The following GLI2 variants were observed in gnomAD, a reference collection of about 807,000 sequenced individuals.
GLI2 encodes transcription activator GLI2.
In GLI2, 22 loss-of-function variants were observed where a neutral mutation model predicts 78.9. The ratio of observed to expected loss-of-function variants is 0.28; its 90% CI spans 0.20 to 0.40. The LOEUF (loss-of-function observed/expected upper bound fraction) is 0.40. GLI2 is among the 10% of genes least tolerant of loss of function. The pLI is 1.00. For missense variants in GLI2, 2,097 were observed against 2,213.2 expected (o/e 0.95, Z 1.05); for synonymous variants, 974 against 963.7 (o/e 1.01, Z -0.20).
intron 1 of GLI2, among the ~76,000 whole-genome samples, chr2:120,768,997 C>T (rs1484415129): frequency 6.6e-6 from 1 of 152,216 alleles, no homozygotes; most frequent in Non-Finnish European, 1.5e-5. Flanking sequence ...CTTTGACAGC[C>T]TTCCCCAGGC....
intron 2 of GLI2, among the ~76,000 whole-genome samples, chr2:120,880,444 T>A (rs1276718456): frequency 6.6e-6 from 1 of 152,128 alleles, no homozygotes; most frequent in African/African-American, 2.4e-5. Flanking sequence ...GAAGTCCCCA[T>A]CACCCCGCCA....
intron 2 of GLI2, among the ~76,000 whole-genome samples, chr2:120,814,406 G>A (rs982671536): frequency 5.3e-5 from 8 of 152,168 alleles, no homozygotes; most frequent in African/African-American, 1.9e-4. Flanking sequence ...GTGTGAGTGT[G>A]GTAAAATGGA....
chr2:120,752,269 A>ATTTTTT (rs192674460), intron 1 of GLI2, among the ~76,000 whole-genome samples: 2 of 129,942 alleles, frequency 1.5e-5, no homozygotes, highest in Admixed American at 7.6e-5. Flanking sequence ...CCTATCTTTA[A>ATTTTTT]TTTTTTTTTT....
At chr2:120,849,836 C>A (rs1687316123) in intron 2 of GLI2, among the ~76,000 whole-genome samples, 2 of 152,298 alleles carry the variant, frequency 1.3e-5, no homozygotes, top group Middle Eastern at 3.4e-3. Flanking sequence ...ACCTCCCACC[C>A]ATTGGTATCC....
chr2:120,986,201 C>T (rs1682962017), intron 12 of GLI2, 77 bp from the exon 13 acceptor site: 3 of 1,345,324 alleles, frequency 2.2e-6, no homozygotes, highest in Non-Finnish European at 2.1e-6. Flanking sequence ...GGTGTGGTGC[C>T]TGTGCAGGCC....
At chr2:120,961,012 T>A (rs1230545233) in intron 5 of GLI2, among the ~76,000 whole-genome samples, 1 of 152,134 alleles carries the variant, frequency 6.6e-6, no homozygotes, top group African/African-American at 2.4e-5. Context: ...AGCGGAGAAT[T>A]CACTGGTTGT....
At chr2:120,912,808 G>T (rs573246249) in intron 2 of GLI2, among the ~76,000 whole-genome samples, 1 of 152,124 alleles carries the variant, frequency 6.6e-6, no homozygotes, top group Non-Finnish European at 1.5e-5. Flanking sequence ...TATCAAGAAC[G>T]CAGCGGGCAG....
intron 1 of GLI2, among the ~76,000 whole-genome samples, chr2:120,784,895 C>A (rs576463341): frequency 6.6e-6 from 1 of 152,262 alleles, no homozygotes; most frequent in East Asian, 1.9e-4. Context: ...GCCGGTCTCC[C>A]CACCCCACAC....
At position 120,984,665 on chromosome 2, in the gene GLI2, G is replaced by C; in HGVS notation, c.1827G>C (p.Glu609Asp). 3 of 1,613,876 alleles carry C rather than the reference G, an allele frequency of 1.9e-6. No homozygotes were observed. The highest frequency in any genetic ancestry group is 2.2e-5 in the East Asian group (1 of 44,876). The change falls in exon 12 of 14, where the codon GAG becomes GAC. Residue 609 changes from glutamate (E) to aspartate (D), a missense_variant. Physicochemically the swap from Glu to Asp is conservative, Grantham distance 45. Around this residue, in one of 5 missense-constraint regions of GLI2, gnomAD observed 57 missense variants for 44.5 expected, o/e 1.28. Transcript: ENST00000361492. ...SEAGTEPGGP[E>D]STEASSTSQA... ...CCGGCACGGAGCCTGGCGGCCCAGA[G>C]AGCACCGAGGCCAGCAGCACCAGCC...
intron 2 of GLI2, among the ~76,000 whole-genome samples, chr2:120,890,968 T>C (rs1472537471): frequency 1.3e-5 from 2 of 152,246 alleles, no homozygotes; most frequent in African/African-American, 4.8e-5. Context: ...TGGGGATGGC[T>C]TCTCCTAATG....
rs540323081 is a variant in GLI2, at chr2:120,946,561, G to A, written c.255-4682G>A. ...GTCGGAATTCAAGGACTGGATGGCC[G>A]TGGCTCACACCAAGGCCGGGCCCCT... On this transcript the variant is annotated intron_variant, in intron 3 of 13. Coordinates refer to ENST00000361492, the MANE Select transcript of GLI2 (RefSeq NM_001374353.1). 3.9e-5 allele frequency among the ~76,000 whole-genome samples: 6 copies of A among 152,330 alleles called. No individual in the cohort carries two copies. In the East Asian group the frequency reaches 5.8e-4, roughly 15 times the overall value.
At chr2:120,971,818 CT>C (rs1461330660) in intron 7 of GLI2, 122 bp from the exon 8 acceptor site, 1 of 872,402 alleles carries the variant, frequency 1.1e-6, no homozygotes, top group East Asian at 2.5e-5. Context: ...ATTTCTGATA[CT>C]TTAAACACAG....
intron 2 of GLI2, among the ~76,000 whole-genome samples, chr2:120,852,387 G>A (rs1412761111): frequency 1.3e-5 from 2 of 152,200 alleles, no homozygotes; most frequent in Admixed American, 6.5e-5. Flanking sequence ...GGCCAAAGGA[G>A]GTGCTGAAAC....
At chr2:120,964,602 G>A (rs1376606582) in intron 5 of GLI2, among the ~76,000 whole-genome samples, 2 of 152,218 alleles carry the variant, frequency 1.3e-5, no homozygotes, top group Non-Finnish European at 2.9e-5. Context: ...CGACTCCCGG[G>A]TCTCCCGCTT....
chr2:120,974,900 GGACTAACAGC>G (rs1386712431), intron 8 of GLI2, 65 bp from the exon 9 acceptor site: 1 of 1,612,552 alleles, frequency 6.2e-7, no homozygotes, highest in Non-Finnish European at 8.5e-7. Flanking sequence ...AGAATGCATG[GGACTAACAGC>G]GACCTCTTTT....
intron 1 of GLI2, among the ~76,000 whole-genome samples, chr2:120,740,372 T>C (rs1480355844): frequency 6.6e-6 from 1 of 152,050 alleles, no homozygotes; most frequent in Non-Finnish European, 1.5e-5. Flanking sequence ...CTTATTAAAC[T>C]GTTTTGGGGA....
intron 1 of GLI2, among the ~76,000 whole-genome samples, chr2:120,736,929 G>T (rs764103831): frequency 4.8e-5 from 7 of 146,118 alleles, no homozygotes; most frequent in Admixed American, 1.4e-4. Flanking sequence ...CCTGAGATCC[G>T]CTTGACTTCC....
At chr2:120,779,060 C>T (rs1341573404) in intron 1 of GLI2, among the ~76,000 whole-genome samples, 5 of 152,178 alleles carry the variant, frequency 3.3e-5, no homozygotes, top group Non-Finnish European at 5.9e-5. Flanking sequence ...CTTCCCCTCC[C>T]TATATACCCA....
intron 2 of GLI2, among the ~76,000 whole-genome samples, chr2:120,823,985 G>A (rs111237539): frequency 2.6e-5 from 4 of 152,184 alleles, no homozygotes; most frequent in African/African-American, 9.7e-5. Flanking sequence ...GGGCATAAAG[G>A]CAGTTCATTA....
Sources: allele counts gnomAD v4.1 joint callset (sites outside exome capture counted in the v4.1 genomes callset), GRCh38; gene constraint gnomAD v4.1.1; regional missense constraint gnomAD v4.1.1; transcripts MANE v1.5; gene names NCBI Gene and HGNC (gene_info 2026-07-23, HGNC 2026-07-21).